The following DENND6B variants were observed in gnomAD, a reference collection of about 807,000 sequenced individuals.
The protein encoded by DENND6B is DENN domain containing 6B.
In DENND6B, 73 loss-of-function variants were observed where a neutral mutation model predicts 85.1. That is an observed-to-expected ratio of 0.86 (90% CI 0.71 to 1.04). DENND6B has a LOEUF of 1.04. DENND6B is among the 50% of genes least tolerant of loss of function. DENND6B has a pLI of 0.00. For synonymous variants in DENND6B, 357 were observed against 329.3 expected, an observed-to-expected ratio of 1.08 and a Z score of -0.91; for missense variants, 715 against 785.8, an observed-to-expected ratio of 0.91 and a Z score of 1.08.
chr22:50,317,244 A>G (rs1221452351), intron 5 of DENND6B, 49 bp downstream of exon 5: 3 of 1,604,232 alleles, frequency 1.9e-6, no homozygotes. Context: ...GCTGCCTGCC[A>G]GCTCCTGCCG....
intron 4 of DENND6B, among the ~76,000 whole-genome samples, chr22:50,317,600 G>A (rs2041895349): frequency 6.6e-6 from 1 of 152,150 alleles, no homozygotes; most frequent in South Asian, 2.1e-4. Flanking sequence ...GGAGTCCGCT[G>A]GTGTAGTGGA....
At chr22:50,313,553 T>TGCCCCCCC in intron 15 of DENND6B, 54 bp from the exon 16 acceptor site, 1 of 698,176 alleles carries the variant, frequency 1.4e-6, no homozygotes, top group Non-Finnish European at 1.8e-6. Context: ...CCCAGCCCCA[T>TGCCCCCCC]CCCCCGCAGC....
intron 1 of DENND6B, among the ~76,000 whole-genome samples, chr22:50,323,272 T>A (rs1383777356): frequency 6.9e-6 from 1 of 145,548 alleles, no homozygotes; most frequent in African/African-American, 2.5e-5. Flanking sequence ...TGTGCCACCA[T>A]GCCTGGCTCT....
In DENND6B at chr22:50,312,544, G is replaced by A. The variant is rs745505770; in HGVS notation, c.1539C>T (p.His513=). Residue 513 remains histidine, a synonymous_variant, in exon 18 of 20, where the codon CAC becomes CAT. Coordinates refer to ENST00000413817, the MANE Select transcript of DENND6B (RefSeq NM_001001794.4). ...TCACCGCCTCACAGATAGCCTCCAG[G>A]TGCAGGGCCTCCAGCTTCAGGGCCA... ...KEMALKLEAL[H]LEAICEANIE... 5 of 1,594,060 alleles carry A rather than the reference G, an allele frequency of 3.1e-6. No homozygotes were observed. The highest frequency in any genetic ancestry group is 3.3e-4 in the Middle Eastern group (2 of 6,062).
rs1296686026 is a variant in DENND6B at position 50,313,733 on chromosome 22, G to T, written c.1204-9C>A. The T allele has an allele frequency of 6.2e-7, 1 of 1,604,460 alleles. No individual in the cohort carries two copies. The highest frequency in any genetic ancestry group is 8.5e-7 in the Non-Finnish European group (1 of 1,177,008). The stretch of plus-strand genomic sequence containing the variant: ...CGCTTCTTCTGCACGCCCTGCAGGG[G>T]AGAGAGGGCCAGGCCCTTGCTGCGC... On this transcript the variant is annotated splice_polypyrimidine_tract_variant and intron_variant, in intron 14 of 19. Coordinates refer to ENST00000413817, the MANE Select transcript of DENND6B (RefSeq NM_001001794.4).
chr22:50,310,624 C>T lies in DENND6B; in HGVS notation c.*1515G>A, dbSNP rs1031456381. ...TGCGCTGAATGAAGGCTACATTCCTCGGACTGAATGGGGGCCTCAGAAGAA... is the reference window on the plus strand; with the variant it reads ...TGCGCTGAATGAAGGCTACATTCCTTGGACTGAATGGGGGCCTCAGAAGAA... On this transcript the variant is annotated 3_prime_UTR_variant, in exon 20 of 20. Transcript: ENST00000413817. 1.3e-5 allele frequency: 2 copies of T among 152,174 alleles called. No homozygotes were observed. Among genetic ancestry groups the T allele is most frequent in the African/African-American group, 2.4e-5 (1 of 41,428 alleles). 9.4% of individuals were successfully genotyped at this position (152,174 alleles called of 1,614,324 possible).
In DENND6B at chr22:50,318,846, C is replaced by T. The variant is rs2041944267; in HGVS notation, c.259+1G>A. The T allele has an allele frequency of 6.2e-7, 1 of 1,613,168 alleles. No individual in the cohort carries two copies. Among genetic ancestry groups the T allele is most frequent in the Non-Finnish European group, 8.5e-7 (1 of 1,179,698 alleles). On this transcript the variant is annotated splice_donor_variant, in intron 3 of 19. Transcript: ENST00000413817. LOFTEE classifies it high-confidence loss of function. The stretch of plus-strand genomic sequence containing the variant: ...GCCCCAGGAAAGGTGGGGTTGCCTA[C>T]CTGAGTGCGAGTCGGGAAAAGACAG...
At chr22:50,312,461 GCC>G in intron 18 of DENND6B, 44 bp from the exon 19 acceptor site, 1 of 1,591,520 alleles carries the variant, frequency 6.3e-7, no homozygotes, top group Non-Finnish European at 8.5e-7. Flanking sequence ...GCCCCTCACT[GCC>G]CTGGGCCTGT....
rs1213246760 is a variant in DENND6B, at chr22:50,314,110, G to A, written c.1138+97C>T. 3.5e-6 allele frequency: 5 copies of A among 1,424,262 alleles called. No homozygotes were observed. The South Asian group carries it at 5.6e-5, about 16-fold the overall frequency. 88.2% of individuals were successfully genotyped at this position (1,424,262 alleles called of 1,614,324 possible). On this transcript the variant is annotated intron_variant, in intron 13 of 19. Transcript: ENST00000413817. ...GCTGCTGAGTCCTGGAAGAGGATCA[G>A]GGGTCTGGGGGCCTGGCTGCCCCAC...
chr22:50,324,848 A>G (rs575153858), intron 1 of DENND6B, among the ~76,000 whole-genome samples: 1 of 152,194 alleles, frequency 6.6e-6, no homozygotes, highest in South Asian at 2.1e-4. Flanking sequence ...AGCATCCAAG[A>G]CTTATTTACC....
Position 50,313,726 on chromosome 22 carries a change from T to C in DENND6B, c.1204-2A>G. 1 of 1,603,732 alleles carries C rather than the reference T, an allele frequency of 6.2e-7. No individual in the cohort carries two copies. The highest frequency in any genetic ancestry group is 2.2e-5 in the East Asian group (1 of 44,564). Reference sequence around the variant, plus strand: ...TGACGGCCGCTTCTTCTGCACGCCCTGCAGGGGAGAGAGGGCCAGGCCCTT... The same window carrying C: ...TGACGGCCGCTTCTTCTGCACGCCCCGCAGGGGAGAGAGGGCCAGGCCCTT... On this transcript the variant is annotated splice_acceptor_variant, in intron 14 of 19. Transcript: ENST00000413817. LOFTEE classifies it high-confidence loss of function.
intron 1 of DENND6B, chr22:50,319,513 G>A: frequency 1.0e-6 from 1 of 966,048 alleles, no homozygotes; most frequent in African/African-American, 2.2e-5. Context: ...GAAGGGTAGT[G>A]CTTCAGGGAC....
At chr22:50,316,579 A>T (rs755320936) in intron 5 of DENND6B, 104 bp from the exon 6 acceptor site, 15 of 1,543,510 alleles carry the variant, frequency 9.7e-6, no homozygotes, top group Non-Finnish European at 1.3e-5. Context: ...GAGCTGGCCC[A>T]GGGTAGCACG....
At chr22:50,323,191 G>A (rs1387773201) in intron 1 of DENND6B, among the ~76,000 whole-genome samples, 1 of 149,646 alleles carries the variant, frequency 6.7e-6, no homozygotes, top group Non-Finnish European at 1.5e-5. Context: ...TAACAGACAG[G>A]GTCAACCTCC....
intron 1 of DENND6B, chr22:50,319,574 T>G: frequency 1.1e-6 from 1 of 948,872 alleles, no homozygotes; most frequent in Non-Finnish European, 1.3e-6. Flanking sequence ...TGGCCGGCCC[T>G]CCATCTCCCT....
chr22:50,313,588 C>T, intron 15 of DENND6B, 47 bp downstream of exon 15: 4 of 1,515,040 alleles, frequency 2.6e-6, no homozygotes, highest in Non-Finnish European at 3.6e-6. Flanking sequence ...CCCCATCCCC[C>T]CAGCCCCGTG....
intron 9 of DENND6B, 87 bp downstream of exon 9, chr22:50,315,623 TACTC>T (rs71964200): frequency 0.36 from 512,154 of 1,420,498 alleles, 95,012 homozygotes; most frequent in South Asian, 0.54. Flanking sequence ...CGCACACACA[TACTC>T]ACACACAGAT....
intron 9 of DENND6B, chr22:50,315,221 TG>T (rs896307926): frequency 1.6e-5 from 7 of 428,510 alleles, no homozygotes; most frequent in Non-Finnish European, 2.2e-5. Context: ...TGACCTGGGC[TG>T]GGGGGTACCC....
chr22:50,313,823 C>T lies in DENND6B; in HGVS notation c.1194G>A (p.Arg398=). ...CCCACAAACCATATACCTTGAGCAG[C>T]CGTTTGAGCAGCGCCTTGTCGCGGT... ...HLHRDKALLK[R]LLKGVQKKRP... Residue 398 remains arginine, a synonymous_variant, in exon 14 of 20, where the codon CGG becomes CGA. Transcript: ENST00000413817. The T allele has an allele frequency of 6.2e-7, 1 of 1,612,152 alleles. No individual in the cohort carries two copies. The highest frequency in any genetic ancestry group is 8.5e-7 in the Non-Finnish European group (1 of 1,179,662).
Sources: gnomAD v4.1 joint callset for allele counts (sites outside exome capture counted in the v4.1 genomes callset) on GRCh38, gnomAD v4.1.1 for gene constraint, MANE v1.5 for transcripts, NCBI Gene and HGNC (gene_info 2026-07-23, HGNC 2026-07-21) for gene names.